AUTS2: variants seen among roughly 807,000 people sequenced by gnomAD.
AUTS2 encodes activator of transcription and developmental regulator AUTS2.
AUTS2 carries 17 observed loss-of-function variants against 112.4 expected under a neutral mutation model. The observed-to-expected ratio is 0.15, with a 90% CI of 0.10 to 0.23. The LOEUF is 0.23. Ranked by LOEUF, AUTS2 falls within the 10% of genes least tolerant of loss-of-function variation. The pLI is 1.00. For synonymous variants in AUTS2, 751 were observed against 702.7 expected, an observed-to-expected ratio of 1.07 and a Z score of -1.09; for missense variants, 1,510 against 1,701.6, an observed-to-expected ratio of 0.89 and a Z score of 1.98.
At chr7:69,692,473 A>G (rs566958356) in intron 1 of AUTS2, among the ~76,000 whole-genome samples, 2 of 152,344 alleles carry the variant, frequency 1.3e-5, no homozygotes, top group South Asian at 4.1e-4. Context: ...GAGTCTTTAC[A>G]TGTATGAACT....
chr7:70,105,831 T>G (rs924165691), intron 2 of AUTS2, among the ~76,000 whole-genome samples: 2 of 151,584 alleles, frequency 1.3e-5, no homozygotes, highest in African/African-American at 4.8e-5. Context: ...CAAATCTACC[T>G]GTGCATGAGA....
intron 1 of AUTS2, among the ~76,000 whole-genome samples, chr7:69,839,870 G>T (rs557558246): frequency 6.6e-6 from 1 of 152,122 alleles, no homozygotes; most frequent in Non-Finnish European, 1.5e-5. Flanking sequence ...CAGGAGCTTG[G>T]TGGAGGTGGA....
chr7:70,418,111 G>GTC (rs1795067213), intron 4 of AUTS2, among the ~76,000 whole-genome samples: 1 of 146,066 alleles, frequency 6.8e-6, no homozygotes, highest in Non-Finnish European at 1.5e-5. Context: ...GTGTGTGTGT[G>GTC]TCTGTGTGTG....
chr7:69,819,622 C>T lies in AUTS2; in HGVS notation c.310-79664C>T, dbSNP rs1472894595. 5.9e-5 allele frequency among the ~76,000 whole-genome samples: 9 copies of T among 152,160 alleles called. No individual in the cohort carries two copies. The South Asian group carries it at 1.2e-3, about 21-fold the overall frequency. On this transcript the variant is annotated intron_variant, in intron 1 of 18. Coordinates refer to ENST00000342771, the MANE Select transcript of AUTS2 (RefSeq NM_015570.4). ...AGGCATATGGGAGAATGTGCCAAAA[C>T]GGGAATCTTAAGGGAGTTTTTTAAA...
intron 6 of AUTS2, among the ~76,000 whole-genome samples, chr7:70,761,424 A>C (rs1338331434): frequency 1.3e-5 from 2 of 152,270 alleles, no homozygotes; most frequent in Non-Finnish European, 2.9e-5. Flanking sequence ...CGCCCAGGGC[A>C]GTTCATTTAA....
At chr7:69,639,478 C>CA (rs1794705156) in intron 1 of AUTS2, among the ~76,000 whole-genome samples, 1 of 152,206 alleles carries the variant, frequency 6.6e-6, no homozygotes, top group Admixed American at 6.5e-5. Context: ...AAGAATTAGC[C>CA]ACTGGTTCAG....
At chr7:70,610,479 A>C (rs1804036939) in intron 5 of AUTS2, among the ~76,000 whole-genome samples, 1 of 121,156 alleles carries the variant, frequency 8.3e-6, no homozygotes, top group Admixed American at 1.1e-4. Flanking sequence ...TCTGTTGCCC[A>C]GGCTAGAAGG....
chr7:70,528,104 T>TTGA (rs71754054), intron 5 of AUTS2, among the ~76,000 whole-genome samples: 1 of 121,082 alleles, frequency 8.3e-6, no homozygotes, highest in African/African-American at 3.4e-5. Context: ...TTTTTTTTTT[T>TTGA]TTTTTTTTTT....
At chr7:69,700,076 A>G (rs1797741750) in intron 1 of AUTS2, among the ~76,000 whole-genome samples, 1 of 152,204 alleles carries the variant, frequency 6.6e-6, no homozygotes, top group South Asian at 2.1e-4. Flanking sequence ...GTACTAATTT[A>G]TATTCCCATC....
chr7:69,828,111 C>A (rs927431389), intron 1 of AUTS2, among the ~76,000 whole-genome samples: 5 of 152,186 alleles, frequency 3.3e-5, no homozygotes, highest in Non-Finnish European at 7.3e-5. Context: ...TCCTTGCTTG[C>A]AGAACTTTGA....
chr7:69,841,334 G>A (rs1478619033), intron 1 of AUTS2, among the ~76,000 whole-genome samples: 1 of 152,134 alleles, frequency 6.6e-6, no homozygotes, highest in Admixed American at 6.6e-5. Context: ...GACGAAAGCA[G>A]GAGCAAGCAA....
intron 4 of AUTS2, among the ~76,000 whole-genome samples, chr7:70,234,199 A>G (rs1462747678): frequency 6.6e-6 from 1 of 152,198 alleles, no homozygotes; most frequent in Admixed American, 6.5e-5. Context: ...ACTAACATAT[A>G]TTAATATATT....
intron 6 of AUTS2, among the ~76,000 whole-genome samples, chr7:70,724,093 T>C (rs899679500): frequency 6.6e-6 from 1 of 152,110 alleles, no homozygotes; most frequent in Non-Finnish European, 1.5e-5. Flanking sequence ...GGTTTTACCA[T>C]GTTGGCAAGG....
At chr7:70,162,611 C>A (rs1258159992) in intron 4 of AUTS2, among the ~76,000 whole-genome samples, 1 of 151,982 alleles carries the variant, frequency 6.6e-6, no homozygotes. Flanking sequence ...CTTTAATTTT[C>A]TCAAACCACC....
intron 4 of AUTS2, among the ~76,000 whole-genome samples, chr7:70,173,278 G>A (rs1258454123): frequency 6.6e-6 from 1 of 151,492 alleles, no homozygotes; most frequent in African/African-American, 2.4e-5. Context: ...GGAGAATGGC[G>A]TGAACCCGGG....
In AUTS2 at chr7:70,158,500, A is replaced by T. The variant is rs1003790792; in HGVS notation, c.660+23929A>T. ...AACCAAGTATCTGCTTTATTCAACC[A>T]AGTGAGTGCTGGTACAATTCACTAA... On this transcript the variant is annotated intron_variant, in intron 4 of 18. Coordinates refer to ENST00000342771, the MANE Select transcript of AUTS2 (RefSeq NM_015570.4). 2.0e-5 allele frequency among the ~76,000 whole-genome samples: 3 copies of T among 152,314 alleles called. No homozygotes were observed. The East Asian group carries it at 5.8e-4, about 29-fold the overall frequency.
chr7:70,764,720 TTTTTC>T (rs1273166996), intron 7 of AUTS2, 27 bp from the exon 8 acceptor site: 16 of 719,638 alleles, frequency 2.2e-5, no homozygotes, highest in Non-Finnish European at 3.9e-5. Flanking sequence ...TTTTTTTATT[TTTTTC>T]TTTTCTTTTT....
intron 1 of AUTS2, among the ~76,000 whole-genome samples, chr7:69,630,070 C>T (rs747011671): frequency 7.9e-5 from 12 of 152,018 alleles, no homozygotes; most frequent in Admixed American, 3.3e-4. Flanking sequence ...GCCTGGCCAA[C>T]ATGGAGGGGA....
intron 1 of AUTS2, among the ~76,000 whole-genome samples, chr7:69,790,098 T>C (rs1226403653): frequency 6.6e-6 from 1 of 151,632 alleles, no homozygotes; most frequent in Non-Finnish European, 1.5e-5. Context: ...CTGGGCAAAA[T>C]AGTGAGACCT....
Sources: allele counts gnomAD v4.1 joint callset (sites outside exome capture counted in the v4.1 genomes callset), GRCh38; gene constraint gnomAD v4.1.1; transcripts MANE v1.5; gene names NCBI Gene and HGNC (gene_info 2026-07-23, HGNC 2026-07-21).